OSBPL10: variants seen among roughly 807,000 people sequenced by gnomAD.
The protein encoded by OSBPL10 is oxysterol-binding protein-related protein 10.
A neutral mutation model predicts 81.7 loss-of-function variants in OSBPL10; 49 were observed. That is an observed-to-expected ratio of 0.60 (90% CI 0.48 to 0.76). The LOEUF is 0.76. Ranked by LOEUF, OSBPL10 falls within the 30% of genes least tolerant of loss-of-function variation. OSBPL10 has a pLI of 0.00. For synonymous variants in OSBPL10, 419 were observed against 383.6 expected (o/e 1.09, Z -1.08); for missense variants, 923 against 987.8 (o/e 0.93, Z 0.88).
At chr3:31,836,679 C>T (rs964692735) in intron 3 of OSBPL10, among the ~76,000 whole-genome samples, 1 of 152,032 alleles carries the variant, frequency 6.6e-6, no homozygotes, top group African/African-American at 2.4e-5. Flanking sequence ...GGCATCTGAC[C>T]CCCTTATCGC....
At chr3:31,809,949 A>G (rs1036580138) in intron 4 of OSBPL10, among the ~76,000 whole-genome samples, 1 of 139,062 alleles carries the variant, frequency 7.2e-6, no homozygotes, top group Non-Finnish European at 1.5e-5. Context: ...TCGGTTCACC[A>G]CAACCTCTGC....
At chr3:31,727,964 C>T (rs942624457) in intron 6 of OSBPL10, among the ~76,000 whole-genome samples, 2 of 152,172 alleles carry the variant, frequency 1.3e-5, no homozygotes, top group African/African-American at 4.8e-5. Flanking sequence ...CTATAATGAC[C>T]ATTCAATCAA....
intron 4 of OSBPL10, among the ~76,000 whole-genome samples, chr3:31,765,242 T>C (rs1698160343): frequency 6.6e-6 from 1 of 151,980 alleles, no homozygotes. Context: ...TTCACCACGT[T>C]ATCCAGGCTG....
At chr3:31,812,791 A>G (rs532444997) in intron 4 of OSBPL10, among the ~76,000 whole-genome samples, 4 of 53,188 alleles carry the variant, frequency 7.5e-5, no homozygotes, top group Non-Finnish European at 1.1e-4. Flanking sequence ...AGAAAGAAAG[A>G]AAGAAAGAAA....
Position 31,779,347 on chromosome 3 carries a change from T to G in OSBPL10, c.730-31227A>C, listed in dbSNP as rs77433992. 8.5e-4 allele frequency among the ~76,000 whole-genome samples: 130 copies of G among 152,214 alleles called. 1 individual carries two copies. The highest frequency in any genetic ancestry group is 3.4e-3 in the Middle Eastern group (1 of 294). Reference sequence around the variant, plus strand: ...CTCACCTAATGCATAAGGGCTGACATAAACTCAAGGTAAAGGAGTAGAAAA... The same window carrying G: ...CTCACCTAATGCATAAGGGCTGACAGAAACTCAAGGTAAAGGAGTAGAAAA... On this transcript the variant is annotated intron_variant, in intron 4 of 11. Coordinates refer to ENST00000396556, the MANE Select transcript of OSBPL10 (RefSeq NM_017784.5).
At chr3:31,824,630 T>G (rs1700058880) in intron 4 of OSBPL10, among the ~76,000 whole-genome samples, 1 of 152,142 alleles carries the variant, frequency 6.6e-6, no homozygotes, top group South Asian at 2.1e-4. Flanking sequence ...CCGCCATCTT[T>G]GTTGGTTTGG....
At chr3:32,036,716 G>A (rs944418050) in intron 2 of OSBPL10, among the ~76,000 whole-genome samples, 1 of 152,044 alleles carries the variant, frequency 6.6e-6, no homozygotes. Context: ...CCACCACTTT[G>A]GGAGTCTGAG....
chr3:31,916,091 C>A (rs1369350165), intron 1 of OSBPL10, among the ~76,000 whole-genome samples: 8 of 125,598 alleles, frequency 6.4e-5, no homozygotes, highest in Non-Finnish European at 1.3e-4. Flanking sequence ...AGTGAAACTC[C>A]GTCTCAAAAA....
At chr3:31,817,412 G>A (rs753195577) in intron 4 of OSBPL10, among the ~76,000 whole-genome samples, 5 of 152,176 alleles carry the variant, frequency 3.3e-5, no homozygotes, top group Non-Finnish European at 7.4e-5. Context: ...CCCTTCCTGG[G>A]CCCCCAAGGA....
At chr3:32,034,135 G>A (rs1281422517) in intron 2 of OSBPL10, among the ~76,000 whole-genome samples, 3 of 152,064 alleles carry the variant, frequency 2.0e-5, no homozygotes, top group Non-Finnish European at 4.4e-5. Context: ...TCAGGAGAAC[G>A]GCATAGGGGA....
intron 1 of OSBPL10, among the ~76,000 whole-genome samples, chr3:31,950,564 G>A (rs189723244): frequency 8.3e-4 from 126 of 152,296 alleles, no homozygotes; most frequent in African/African-American, 2.9e-3. Context: ...CTTATAAAAT[G>A]GAACATCCAA....
At chr3:31,662,796 T>G (rs1421613652) in intron 11 of OSBPL10, 1 of 985,306 alleles carries the variant, frequency 1.0e-6, no homozygotes, top group Non-Finnish European at 1.2e-6. Flanking sequence ...ATGCACAGCC[T>G]TCCACAGAAG....
intron 3 of OSBPL10, among the ~76,000 whole-genome samples, chr3:31,860,302 T>C (rs1424522789): frequency 2.0e-5 from 3 of 152,234 alleles, no homozygotes; most frequent in Admixed American, 6.5e-5. Flanking sequence ...TCCAGAGTTG[T>C]ATTTTACTTG....
rs1559557438 is a variant in OSBPL10, at chr3:32,066,027, G to GAA, written n.185+11368_185+11369insTT. On this transcript the variant is annotated intron_variant and non_coding_transcript_variant, in intron 1 of 3. Coordinates refer to the OSBPL10 transcript ENST00000479173. Reference sequence around the variant, plus strand: ...AGAAAGAGAAAGAAAGAAAGAAAGAGAGAGAGAGAGAAAGAGAAAGAGAAG... The same window carrying GAA: ...AGAAAGAGAAAGAAAGAAAGAAAGAGAAAGAGAGAGAGAAAGAGAAAGAGAAG... Among the ~76,000 whole-genome samples, 13 of 68,324 alleles carry GAA rather than the reference G, an allele frequency of 1.9e-4. 5 individuals carry two copies. Among genetic ancestry groups the GAA allele is most frequent in the Admixed American group, 4.1e-4 (2 of 4,886 alleles). The allele number at this position is 68,324 out of a possible 152,430, so 44.8% of individuals were successfully genotyped here.
chr3:31,827,855 C>A (rs753853204), intron 4 of OSBPL10, among the ~76,000 whole-genome samples: 5 of 151,752 alleles, frequency 3.3e-5, no homozygotes, highest in Admixed American at 6.6e-5. Flanking sequence ...CTTTGTACAC[C>A]CATACACAAA....
At chr3:31,895,908 G>C (rs1177292116) in intron 1 of OSBPL10, among the ~76,000 whole-genome samples, 1 of 152,164 alleles carries the variant, frequency 6.6e-6, no homozygotes, top group Non-Finnish European at 1.5e-5. Context: ...CCATATTAAA[G>C]GAAGGTGAAA....
chr3:31,848,905 G>T (rs1438466006), intron 3 of OSBPL10, among the ~76,000 whole-genome samples: 2 of 152,204 alleles, frequency 1.3e-5, no homozygotes, highest in Non-Finnish European at 2.9e-5. Context: ...ACTGACAGTG[G>T]CCTAAACTTC....
chr3:31,849,055 T>A (rs1700699908), intron 3 of OSBPL10, among the ~76,000 whole-genome samples: 1 of 152,326 alleles, frequency 6.6e-6, no homozygotes, highest in Middle Eastern at 3.4e-3. Flanking sequence ...ACTGTGTCAG[T>A]TCCAAGCCTA....
At chr3:31,664,742 G>C (rs927548206) in intron 10 of OSBPL10, 1 of 172,502 alleles carries the variant, frequency 5.8e-6, no homozygotes, top group Non-Finnish European at 1.3e-5. Flanking sequence ...TTTCCCACAA[G>C]GGAACCTGGA....
Sources: gnomAD v4.1 joint callset for allele counts (sites outside exome capture counted in the v4.1 genomes callset) on GRCh38, gnomAD v4.1.1 for gene constraint, MANE v1.5 for transcripts, NCBI Gene and HGNC (gene_info 2026-07-23, HGNC 2026-07-21) for gene names.